RABL3: variants seen among roughly 807,000 people sequenced by gnomAD.
The protein encoded by RABL3 is RAB, member of RAS oncogene family like 3, also known as rab-like protein 3.
A neutral mutation model predicts 31.8 loss-of-function variants in RABL3; 31 were observed. The observed-to-expected ratio is 0.97, with a 90% CI of 0.73 to 1.31. RABL3 has a LOEUF of 1.31. RABL3 is among the 40% of genes most tolerant of loss of function. The probability of loss-of-function intolerance (pLI) is 0.00; values close to 1 mark genes in which losing one functional copy is unlikely to be tolerated. For synonymous variants in RABL3, 97 were observed against 99.9 expected (o/e 0.97, Z 0.18); for missense variants, 263 against 279.6 (o/e 0.94, Z 0.42).
intron 2 of RABL3, among the ~76,000 whole-genome samples, chr3:120,717,877 A>G (rs771744410): frequency 2.0e-5 from 3 of 152,182 alleles, no homozygotes; most frequent in Non-Finnish European, 2.9e-5. Flanking sequence ...GGGACTTTGC[A>G]CAAAAGCATT....
intron 6 of RABL3, among the ~76,000 whole-genome samples, chr3:120,693,105 C>G (rs1330366617): frequency 6.6e-6 from 1 of 152,044 alleles, no homozygotes; most frequent in Admixed American, 6.5e-5. Flanking sequence ...CCCAACCCCC[C>G]CACCCTGAGG....
chr3:120,702,507 T>C (rs1163017667), intron 4 of RABL3, among the ~76,000 whole-genome samples: 3 of 151,986 alleles, frequency 2.0e-5, no homozygotes, highest in East Asian at 1.9e-4. Flanking sequence ...TAACAGGCCA[T>C]GGACCAGGGG....
intron 4 of RABL3, among the ~76,000 whole-genome samples, chr3:120,699,297 T>C (rs910558984): frequency 3.9e-5 from 6 of 152,186 alleles, no homozygotes; most frequent in African/African-American, 9.7e-5. Flanking sequence ...CCATGGGAGA[T>C]AGAGGACGGG....
chr3:120,729,554 A>C (rs1453228905), intron 2 of RABL3, among the ~76,000 whole-genome samples: 1 of 152,232 alleles, frequency 6.6e-6, no homozygotes, highest in Non-Finnish European at 1.5e-5. Flanking sequence ...GAAATTATTA[A>C]AATAAAAAGC....
intron 4 of RABL3, 74 bp from the exon 5 acceptor site, chr3:120,698,647 T>C: frequency 8.2e-7 from 1 of 1,226,938 alleles, no homozygotes; most frequent in South Asian, 1.6e-5. Context: ...TAAGTGCAAC[T>C]AAGTTACACT....
chr3:120,717,828 TTGAGAACTAACTAGTAATCTCA>T (rs1334563133), intron 2 of RABL3, among the ~76,000 whole-genome samples: 6 of 152,202 alleles, frequency 3.9e-5, no homozygotes, highest in African/African-American at 1.4e-4. Context: ...GGTCAGTGTC[TTGAGAACTAACTAGTAATCTCA>T]TGTTGGCCTG....
intron 2 of RABL3, among the ~76,000 whole-genome samples, chr3:120,720,868 C>T (rs1708731488): frequency 6.6e-6 from 1 of 152,036 alleles, no homozygotes; most frequent in Admixed American, 6.5e-5. Context: ...AGAGCAACTC[C>T]AAGACACATA....
rs11720353 is a variant in RABL3, at chr3:120,709,774, T to C, written c.268+6A>G. The C allele has an allele frequency of 0.31, 492,211 of 1,598,902 alleles. 79,708 individuals are homozygous for C. Among genetic ancestry groups the C allele is most frequent in the Non-Finnish European group, 0.33 (388,899 of 1,170,646 alleles). ...AATATAAGATAGAAATTTAAAAATG[T>C]TTTACCATTTACGGAGTTGTAGAAT... On this transcript the variant is annotated splice_donor_region_variant and intron_variant, in intron 3 of 7. Transcript: ENST00000273375.
chr3:120,727,974 C>G (rs1708841834), intron 2 of RABL3, among the ~76,000 whole-genome samples: 1 of 152,136 alleles, frequency 6.6e-6, no homozygotes, highest in African/African-American at 2.4e-5. Context: ...CCAGCAAATA[C>G]TTTACTAAAT....
chr3:120,689,567 C>G lies in RABL3; in HGVS notation c.*256G>C, dbSNP rs1708354897. The G allele has an allele frequency of 3.0e-6, 1 of 336,912 alleles. No homozygotes were observed. The highest frequency in any genetic ancestry group is 5.4e-6 in the Non-Finnish European group (1 of 184,278). The allele number at this position is 336,912 out of a possible 1,614,324, so 20.9% of individuals were successfully genotyped here. On this transcript the variant is annotated 3_prime_UTR_variant, in exon 8 of 8. Transcript: ENST00000273375. ...TTGCTCATTTACTGCATCATTTTGA[C>G]AACATCTCATATTTACACAAGGCTT...
chr3:120,724,585 A>T (rs1708793526), intron 2 of RABL3, among the ~76,000 whole-genome samples: 1 of 152,262 alleles, frequency 6.6e-6, no homozygotes, highest in African/African-American at 2.4e-5. Context: ...ACAGCATGGT[A>T]CTGGTGCCAA....
intron 3 of RABL3, among the ~76,000 whole-genome samples, chr3:120,706,504 C>T (rs1708550230): frequency 6.6e-6 from 1 of 151,666 alleles, no homozygotes; most frequent in Non-Finnish European, 1.5e-5. Context: ...TATGTTGTTT[C>T]TTCACTGTAC....
intron 6 of RABL3, among the ~76,000 whole-genome samples, chr3:120,690,893 T>C (rs1163631233): frequency 1.3e-5 from 2 of 152,164 alleles, no homozygotes; most frequent in Admixed American, 1.3e-4. Context: ...GTCTATTTCT[T>C]AAAGAGGGGA....
intron 6 of RABL3, among the ~76,000 whole-genome samples, chr3:120,692,754 G>A (rs551177676): frequency 2.6e-5 from 4 of 152,126 alleles, no homozygotes; most frequent in South Asian, 2.1e-4. Flanking sequence ...CTGACAACTC[G>A]GATTATACCA....
At position 120,709,821 on chromosome 3, in the gene RABL3, C is replaced by T. The variant is rs530587159; in HGVS notation, c.227G>A (p.Ser76Asn). ...GAATACTGCTCTTGTGCTTTTCACG[C>T]TGCTGGCACTGCCCACAGAGCCTCC... is the stretch of plus-strand genomic sequence containing the variant. Reference protein sequence around the residue: ...DVGGSVGSASSVKSTRAVFYN... With the variant: ...DVGGSVGSASNVKSTRAVFYN... The change falls in exon 3 of 8, where the codon AGC becomes AAC. Residue 76 changes from serine to asparagine, a missense_variant. Physicochemically the swap from Ser to Asn is conservative, Grantham distance 46. Transcript: ENST00000273375. The T allele has an allele frequency of 2.5e-6, 4 of 1,612,530 alleles. No individual in the cohort carries two copies. Among genetic ancestry groups the T allele is most frequent in the East Asian group, 4.5e-5 (2 of 44,852 alleles).
rs1197043647 is a variant in RABL3 at position 120,686,786 on chromosome 3, C to T, written c.*3037G>A. 2 of 152,010 alleles carry T rather than the reference C, an allele frequency of 1.3e-5. No homozygotes were observed. Among genetic ancestry groups the T allele is most frequent in the East Asian group, 3.8e-4 (2 of 5,196 alleles). The allele number at this position is 152,010 out of a possible 1,614,324, so 9.4% of individuals were successfully genotyped here. ...AGGAAAACTTGTGTATTTTTATGTA[C>T]AGTCTTATGCAGAAGTATAATCAGA... is the stretch of plus-strand genomic sequence containing the variant. On this transcript the variant is annotated 3_prime_UTR_variant, in exon 8 of 8. Transcript: ENST00000273375.
intron 1 of RABL3, 52 bp downstream of exon 1, chr3:120,742,410 A>C: frequency 6.4e-7 from 1 of 1,555,580 alleles, no homozygotes; most frequent in Non-Finnish European, 8.9e-7. Context: ...GGGGAGGGTT[A>C]CTGGGTAACT....
At chr3:120,726,218 A>T (rs1708818871) in intron 2 of RABL3, among the ~76,000 whole-genome samples, 1 of 152,216 alleles carries the variant, frequency 6.6e-6, no homozygotes, top group African/African-American at 2.4e-5. Context: ...TGCCCAAGGT[A>T]AGGTGCATTT....
At chr3:120,738,787 T>C (rs571301805) in intron 1 of RABL3, 5 of 152,356 alleles carry the variant, frequency 3.3e-5, no homozygotes, top group East Asian at 1.9e-4. Context: ...AAAAATTTAC[T>C]TAATCATTCT....
Sources: allele counts gnomAD v4.1 joint callset (sites outside exome capture counted in the v4.1 genomes callset), GRCh38; gene constraint gnomAD v4.1.1; transcripts MANE v1.5; gene names NCBI Gene and HGNC (gene_info 2026-07-23, HGNC 2026-07-21).